Variants in GREM2 observed in about 807,000 individuals in gnomAD.
GREM2 encodes gremlin 2, DAN family BMP antagonist.
A neutral mutation model predicts 14.2 loss-of-function variants in GREM2; 11 were observed. The ratio of observed to expected loss-of-function variants is 0.78; its 90% CI spans 0.49 to 1.28. The LOEUF is 1.28. GREM2 is among the 50% of genes most tolerant of loss of function. The pLI is 0.00. For synonymous variants in GREM2, 98 were observed against 97.6 expected, an observed-to-expected ratio of 1.00 and a Z score of -0.02; for missense variants, 210 against 218.5, an observed-to-expected ratio of 0.96 and a Z score of 0.24.
At chr1:240,553,055 A>G (rs1678886349) in intron 1 of GREM2, among the ~76,000 whole-genome samples, 1 of 152,192 alleles carries the variant, frequency 6.6e-6, no homozygotes, top group South Asian at 2.1e-4. Flanking sequence ...TGGAAATTGT[A>G]TATGGCAAAC....
At chr1:240,584,974 T>G (rs1679561362) in intron 1 of GREM2, among the ~76,000 whole-genome samples, 1 of 152,048 alleles carries the variant, frequency 6.6e-6, no homozygotes, top group Non-Finnish European at 1.5e-5. Context: ...TTTTTTGTAG[T>G]TTCCCTTCCA....
chr1:240,610,105 A>G (rs1159238192), intron 1 of GREM2, among the ~76,000 whole-genome samples: 1 of 152,082 alleles, frequency 6.6e-6, no homozygotes, highest in Non-Finnish European at 1.5e-5. Context: ...AACACACCCA[A>G]CATTGCTTTA....
intron 1 of GREM2, among the ~76,000 whole-genome samples, chr1:240,611,297 A>G (rs1680129943): frequency 1.3e-5 from 2 of 152,364 alleles, no homozygotes; most frequent in South Asian, 4.1e-4. Flanking sequence ...GTACACAGGA[A>G]GGATCACTGA....
At chr1:240,592,440 T>C (rs1427561841) in intron 1 of GREM2, among the ~76,000 whole-genome samples, 2 of 152,196 alleles carry the variant, frequency 1.3e-5, no homozygotes, top group Non-Finnish European at 1.5e-5. Flanking sequence ...GCCATTAAAA[T>C]GGTCCTTTTT....
chr1:240,604,361 G>A (rs912558352), intron 1 of GREM2, among the ~76,000 whole-genome samples: 2 of 151,376 alleles, frequency 1.3e-5, no homozygotes, highest in African/African-American at 4.9e-5. Flanking sequence ...ATATACAATT[G>A]TCTGGTCCTG....
At chr1:240,506,270 GTCAC>G (rs1445608654) in intron 1 of GREM2, among the ~76,000 whole-genome samples, 1 of 152,072 alleles carries the variant, frequency 6.6e-6, no homozygotes, top group African/African-American at 2.4e-5. Flanking sequence ...TCCTCTCCTA[GTCAC>G]TCACTCAAGT....
chr1:240,555,658 T>C (rs1678942524), intron 1 of GREM2, among the ~76,000 whole-genome samples: 1 of 152,206 alleles, frequency 6.6e-6, no homozygotes, highest in African/African-American at 2.4e-5. Flanking sequence ...ATCGTGCATA[T>C]TTTGGATGTA....
chr1:240,496,239 G>T (rs1272766419), intron 1 of GREM2, among the ~76,000 whole-genome samples: 1 of 152,084 alleles, frequency 6.6e-6, no homozygotes, highest in Non-Finnish European at 1.5e-5. Context: ...CTAAGGCAAA[G>T]TTCTCACAGG....
At chr1:240,598,317 A>G (rs1010650970) in intron 1 of GREM2, among the ~76,000 whole-genome samples, 1 of 152,170 alleles carries the variant, frequency 6.6e-6, no homozygotes, top group Admixed American at 6.5e-5. Flanking sequence ...TTGATCTTTT[A>G]AATGTCTGAA....
At chr1:240,564,628 AGGTG>A (rs1679140125) in intron 1 of GREM2, among the ~76,000 whole-genome samples, 1 of 152,160 alleles carries the variant, frequency 6.6e-6, no homozygotes, top group African/African-American at 2.4e-5. Context: ...TTTTTCTCAT[AGGTG>A]GGGTTAGGAG....
intron 1 of GREM2, among the ~76,000 whole-genome samples, chr1:240,499,679 G>A (rs761150423): frequency 6.6e-6 from 1 of 152,140 alleles, no homozygotes; most frequent in Non-Finnish European, 1.5e-5. Flanking sequence ...GATCATCCTC[G>A]CAGCCAAAGA....
Position 240,598,988 on chromosome 1 carries a change from G to T in GREM2, c.-2+12896C>A, listed in dbSNP as rs532233718. 7.2e-5 allele frequency among the ~76,000 whole-genome samples: 11 copies of T among 152,222 alleles called. 1 individual carries two copies. In the South Asian group the frequency reaches 2.3e-3, roughly 32 times the overall value. On this transcript the variant is annotated intron_variant, in intron 1 of 1. Transcript: ENST00000318160. The stretch of plus-strand genomic sequence containing the variant: ...TGATTCATTCAATAAAGAGTAAGTG[G>T]TCGGGTGTGGTGGCTCATGCCTGTA...
intron 1 of GREM2, among the ~76,000 whole-genome samples, chr1:240,571,697 G>A (rs112915723): frequency 0.15 from 22,369 of 151,728 alleles, 1,920 homozygotes; most frequent in South Asian, 0.29. Flanking sequence ...AAACTCCATC[G>A]CAAAAAAAGA....
At chr1:240,502,202 A>T (rs544082517) in intron 1 of GREM2, among the ~76,000 whole-genome samples, 1 of 152,166 alleles carries the variant, frequency 6.6e-6, no homozygotes, top group East Asian at 1.9e-4. Context: ...GAACAAAATC[A>T]AAAATATCCT....
chr1:240,578,513 G>A (rs940026329), intron 1 of GREM2, among the ~76,000 whole-genome samples: 4 of 151,946 alleles, frequency 2.6e-5, no homozygotes, highest in African/African-American at 4.8e-5. Context: ...GGCTGGGCAC[G>A]GTGGCTCAAG....
intron 1 of GREM2, among the ~76,000 whole-genome samples, chr1:240,586,095 C>G (rs984202656): frequency 1.3e-4 from 19 of 150,214 alleles, no homozygotes; most frequent in African/African-American, 4.6e-4. Context: ...ACTCTAGAAA[C>G]TATTATGCTT....
intron 1 of GREM2, among the ~76,000 whole-genome samples, chr1:240,532,425 T>A (rs1025255878): frequency 6.6e-6 from 1 of 152,138 alleles, no homozygotes; most frequent in South Asian, 2.1e-4. Flanking sequence ...TCTCTATAAA[T>A]CTATGAGTCT....
intron 1 of GREM2, among the ~76,000 whole-genome samples, chr1:240,558,225 T>C (rs1019853687): frequency 3.9e-5 from 6 of 151,948 alleles, no homozygotes; most frequent in African/African-American, 1.4e-4. Flanking sequence ...CATAAGTGTG[T>C]TATGGAAAGA....
chr1:240,516,465 T>C (rs964784395), intron 1 of GREM2, among the ~76,000 whole-genome samples: 1 of 152,200 alleles, frequency 6.6e-6, no homozygotes, highest in Non-Finnish European at 1.5e-5. Context: ...CTTATTTAGC[T>C]GCCTTGGGGA....
Sources: gnomAD v4.1 joint callset for allele counts (sites outside exome capture counted in the v4.1 genomes callset) on GRCh38, gnomAD v4.1.1 for gene constraint, MANE v1.5 for transcripts, NCBI Gene and HGNC (gene_info 2026-07-23, HGNC 2026-07-21) for gene names.